ARMC3: variants seen among roughly 807,000 people sequenced by gnomAD.
ARMC3 encodes armadillo repeat-containing protein 3.
A neutral mutation model predicts 90.3 loss-of-function variants in ARMC3; 74 were observed. The observed-to-expected ratio is 0.82, with a 90% CI of 0.68 to 0.99. The LOEUF (loss-of-function observed/expected upper bound fraction) is 0.99, where lower values mean the gene tolerates loss of function less well. Ranked by LOEUF, ARMC3 falls within the 50% of genes least tolerant of loss-of-function variation. The pLI, the probability that ARMC3 is intolerant of heterozygous loss-of-function variation, is 0.00. For synonymous variants in ARMC3, 334 were observed against 361.8 expected (o/e 0.92, Z 0.87); for missense variants, 958 against 1,042.8 (o/e 0.92, Z 1.12).
chr10:22,930,814 C>G (rs140653099), intron 1 of ARMC3, among the ~76,000 whole-genome samples: 2 of 152,180 alleles, frequency 1.3e-5, no homozygotes, highest in Non-Finnish European at 2.9e-5. Context: ...TTTAAGATTG[C>G]TCCTACGATA....
chr10:22,961,718 T>A, intron 6 of ARMC3, 166 bp from the exon 7 acceptor site: 1 of 580,084 alleles, frequency 1.7e-6, no homozygotes, highest in South Asian at 2.4e-5. Context: ...AATTTTGATG[T>A]TGTCAATTGA....
intron 16 of ARMC3, among the ~76,000 whole-genome samples, chr10:23,028,843 G>A (rs1409637529): frequency 6.6e-6 from 1 of 150,596 alleles, no homozygotes; most frequent in Non-Finnish European, 1.5e-5. Flanking sequence ...ATAAGCCTAG[G>A]AATTTATAAA....
At chr10:23,008,995 C>T in intron 16 of ARMC3, 64 bp downstream of exon 16, 1 of 1,321,340 alleles carries the variant, frequency 7.6e-7, no homozygotes, top group Non-Finnish European at 1.1e-6. Flanking sequence ...GGTGGCTCTT[C>T]AGTAGGAAGC....
intron 2 of ARMC3, 99 bp downstream of exon 2, chr10:22,932,143 C>A: frequency 1.1e-6 from 1 of 934,774 alleles, no homozygotes; most frequent in Non-Finnish European, 1.5e-6. Context: ...CATGAATACG[C>A]GGTGGCAGAA....
chr10:23,036,926 G>C (rs1331412073), intron 18 of ARMC3, among the ~76,000 whole-genome samples: 1 of 152,198 alleles, frequency 6.6e-6, no homozygotes, highest in African/African-American at 2.4e-5. Context: ...CAGCCAGGGA[G>C]AGCCCAGAAG....
chr10:22,988,109 G>A (rs1836541412), intron 10 of ARMC3, among the ~76,000 whole-genome samples: 1 of 152,162 alleles, frequency 6.6e-6, no homozygotes, highest in Non-Finnish European at 1.5e-5. Flanking sequence ...GTTATATATG[G>A]ATAACTTGTC....
intron 10 of ARMC3, among the ~76,000 whole-genome samples, chr10:22,984,121 C>T (rs1373934762): frequency 6.6e-6 from 1 of 152,196 alleles, no homozygotes; most frequent in Non-Finnish European, 1.5e-5. Context: ...CTGATCATTG[C>T]TATCCTAATT....
chr10:22,999,888 T>C lies in ARMC3; in HGVS notation c.1425+1491T>C, dbSNP rs369177616. Among the ~76,000 whole-genome samples, 5 of 152,312 alleles carry C rather than the reference T, an allele frequency of 3.3e-5. No homozygotes were observed. The South Asian group carries it at 6.2e-4, about 19-fold the overall frequency. The stretch of plus-strand genomic sequence containing the variant: ...CAGGTAGCGGTAGGCACCAGATATG[T>C]ATTTACCAAGTACTGCGTGCCAGGT... On this transcript the variant is annotated intron_variant, in intron 11 of 18. Coordinates refer to ENST00000298032, the MANE Select transcript of ARMC3 (RefSeq NM_173081.5).
At chr10:23,036,968 A>C (rs1042272680) in intron 18 of ARMC3, among the ~76,000 whole-genome samples, 1 of 152,234 alleles carries the variant, frequency 6.6e-6, no homozygotes, top group Non-Finnish European at 1.5e-5. Flanking sequence ...ACTAGTGCAA[A>C]GAGTGCACAG....
At chr10:23,026,953 C>T (rs1838738334) in intron 16 of ARMC3, among the ~76,000 whole-genome samples, 1 of 152,090 alleles carries the variant, frequency 6.6e-6, no homozygotes, top group African/African-American at 2.4e-5. Context: ...TTTCTTGGTC[C>T]TCAGTTCTGT....
intron 7 of ARMC3, among the ~76,000 whole-genome samples, chr10:22,964,167 T>A (rs988777584): frequency 5.3e-5 from 8 of 151,990 alleles, no homozygotes; most frequent in South Asian, 2.1e-4. Flanking sequence ...TATAATACCT[T>A]CCTAAAATAT....
intron 2 of ARMC3, among the ~76,000 whole-genome samples, chr10:22,945,084 T>C (rs921770043): frequency 1.3e-5 from 2 of 152,194 alleles, no homozygotes; most frequent in Non-Finnish European, 1.5e-5. Flanking sequence ...AAAAGGGAAA[T>C]TTTATCCTGG....
chr10:23,021,183 C>T (rs1838498019), intron 16 of ARMC3, among the ~76,000 whole-genome samples: 1 of 152,186 alleles, frequency 6.6e-6, no homozygotes, highest in Admixed American at 6.5e-5. Flanking sequence ...ATGGTGTATA[C>T]ATACGACATT....
At chr10:22,997,740 C>T (rs11013229) in intron 10 of ARMC3, among the ~76,000 whole-genome samples, 2,887 of 152,190 alleles carry the variant, frequency 0.019, 88 homozygotes, top group African/African-American at 0.066. Context: ...TTCAAGAAAA[C>T]TTTCTAAGAA....
chr10:23,033,519 C>T (rs946907831), intron 18 of ARMC3, among the ~76,000 whole-genome samples: 1 of 152,054 alleles, frequency 6.6e-6, no homozygotes, highest in African/African-American at 2.4e-5. Context: ...CAAAATAATA[C>T]AGGTATGAGA....
intron 16 of ARMC3, among the ~76,000 whole-genome samples, chr10:23,024,391 C>CACAT (rs544931224): frequency 1.3e-4 from 17 of 134,546 alleles, no homozygotes; most frequent in Admixed American, 3.1e-4. Flanking sequence ...AGAGGAATGC[C>CACAT]ACATAGATAG....
At chr10:22,965,616 T>C (rs972852799) in intron 7 of ARMC3, among the ~76,000 whole-genome samples, 6 of 152,322 alleles carry the variant, frequency 3.9e-5, no homozygotes, top group Non-Finnish European at 5.9e-5. Flanking sequence ...TTTATGCAAA[T>C]ATTTTTTTCC....
At chr10:22,945,640 T>G (rs1367008090) in intron 2 of ARMC3, among the ~76,000 whole-genome samples, 1 of 152,210 alleles carries the variant, frequency 6.6e-6, no homozygotes, top group Non-Finnish European at 1.5e-5. Flanking sequence ...AAGCAAGTAT[T>G]GATTATTGAG....
At chr10:22,932,446 G>C (rs1192478029) in intron 2 of ARMC3, among the ~76,000 whole-genome samples, 1 of 152,130 alleles carries the variant, frequency 6.6e-6, no homozygotes, top group African/African-American at 2.4e-5. Flanking sequence ...AGGTTGTCTG[G>C]TGATGACCAC....
Sources: gnomAD v4.1 joint callset for allele counts (sites outside exome capture counted in the v4.1 genomes callset) on GRCh38, gnomAD v4.1.1 for gene constraint, MANE v1.5 for transcripts, NCBI Gene and HGNC (gene_info 2026-07-23, HGNC 2026-07-21) for gene names.